Variants in JAM2 observed in about 807,000 individuals in gnomAD.
JAM2 encodes the protein junctional adhesion molecule 2.
JAM2 carries 17 observed loss-of-function variants against 42.0 expected under a neutral mutation model. The observed-to-expected ratio is 0.40, with a 90% CI of 0.28 to 0.61. The LOEUF (loss-of-function observed/expected upper bound fraction) is 0.61, where lower values mean the gene tolerates loss of function less well. JAM2 is among the 20% of genes least tolerant of loss of function. The pLI is 0.37. For synonymous variants in JAM2, 118 were observed against 128.6 expected (o/e 0.92, Z 0.56); for missense variants, 319 against 358.3 (o/e 0.89, Z 0.89).
chr21:25,672,013 T>C (rs536539812), intron 1 of JAM2, among the ~76,000 whole-genome samples: 2 of 152,286 alleles, frequency 1.3e-5, no homozygotes, highest in South Asian at 4.1e-4. Context: ...TTTGAAACAA[T>C]ACCAAACATC....
In JAM2 at chr21:25,717,541, A is replaced by T; in HGVS notation, c.*2869A>T. ...TTTCCACAGGTGGCTTTGTTCGATTAAAGTCTACACTAATAAAAATAGCTG... is the reference window on the plus strand; with the variant it reads ...TTTCCACAGGTGGCTTTGTTCGATTTAAGTCTACACTAATAAAAATAGCTG... On this transcript the variant is annotated 3_prime_UTR_variant, in exon 10 of 10. Coordinates refer to ENST00000480456, the MANE Select transcript of JAM2 (RefSeq NM_021219.4). The T allele has an allele frequency of 7.8e-7, 1 of 1,273,896 alleles. No individual in the cohort carries two copies. Among genetic ancestry groups the T allele is most frequent in the Non-Finnish European group, 1.0e-6 (1 of 975,524 alleles). The allele number at this position is 1,273,896 out of a possible 1,614,324, so 78.9% of individuals were successfully genotyped here. A position where few individuals can be genotyped will look rare whatever the true frequency, so the allele number is the denominator to read the frequency against.
intron 1 of JAM2, among the ~76,000 whole-genome samples, chr21:25,651,073 A>C (rs1027144404): frequency 6.7e-6 from 1 of 150,278 alleles, no homozygotes; most frequent in Non-Finnish European, 1.5e-5. Flanking sequence ...AAAAAAAAAA[A>C]AAAAAAAAAA....
In JAM2 at chr21:25,639,812, C is replaced by T. The variant is rs1000465530; in HGVS notation, c.-10C>T. ...ACCTCCTCAGAGCAGCCGGCTGCCGCCCCGGGAAGATGGCGAGGAGGAGCC... is the reference window on the plus strand; with the variant it reads ...ACCTCCTCAGAGCAGCCGGCTGCCGTCCCGGGAAGATGGCGAGGAGGAGCC... On this transcript the variant is annotated 5_prime_UTR_variant, in exon 1 of 10. Coordinates refer to ENST00000480456, the MANE Select transcript of JAM2 (RefSeq NM_021219.4). 1.3e-5 allele frequency: 20 copies of T among 1,575,940 alleles called. No individual in the cohort carries two copies. Among genetic ancestry groups the T allele is most frequent in the Non-Finnish European group, 1.5e-5 (18 of 1,164,134 alleles).
intron 2 of JAM2, among the ~76,000 whole-genome samples, chr21:25,687,636 A>C (rs2033779255): frequency 6.6e-6 from 1 of 152,202 alleles, no homozygotes; most frequent in African/African-American, 2.4e-5. Flanking sequence ...AGGTGACTTA[A>C]AACAATAGAA....
At chr21:25,680,763 A>G (rs1330644389) in intron 1 of JAM2, among the ~76,000 whole-genome samples, 7 of 148,702 alleles carry the variant, frequency 4.7e-5, no homozygotes, top group African/African-American at 1.8e-4. Context: ...TCAGAAAAGC[A>G]GTTTCTGGAT....
At chr21:25,696,686 C>G (rs1359725808) in intron 4 of JAM2, among the ~76,000 whole-genome samples, 2 of 152,128 alleles carry the variant, frequency 1.3e-5, no homozygotes, top group Non-Finnish European at 2.9e-5. Context: ...CGAGGAAAAT[C>G]TGTTTCCAGG....
At chr21:25,650,649 CAT>C (rs1266432625) in intron 1 of JAM2, among the ~76,000 whole-genome samples, 3 of 152,154 alleles carry the variant, frequency 2.0e-5, no homozygotes, top group East Asian at 1.9e-4. Context: ...AATCATAAAA[CAT>C]ATAATACATA....
At chr21:25,657,822 T>C (rs565043088) in intron 1 of JAM2, among the ~76,000 whole-genome samples, 7 of 152,352 alleles carry the variant, frequency 4.6e-5, no homozygotes, top group Non-Finnish European at 1.0e-4. Flanking sequence ...TTATGTTATA[T>C]GTAGCTAAGA....
intron 1 of JAM2, among the ~76,000 whole-genome samples, chr21:25,640,380 G>A (rs2032398815): frequency 6.6e-6 from 1 of 152,204 alleles, no homozygotes; most frequent in Non-Finnish European, 1.5e-5. Flanking sequence ...GCACTTGTGG[G>A]GCGGAGGTGG....
At chr21:25,675,021 A>T (rs371603283) in intron 1 of JAM2, among the ~76,000 whole-genome samples, 2 of 152,148 alleles carry the variant, frequency 1.3e-5, no homozygotes, top group African/African-American at 4.8e-5. Flanking sequence ...TATAAAGACA[A>T]GAGGTTGAAC....
At chr21:25,712,163 T>G (rs2034396480) in intron 8 of JAM2, 177 bp from the exon 9 acceptor site, 2 of 638,854 alleles carry the variant, frequency 3.1e-6, no homozygotes, top group Non-Finnish European at 5.7e-6. Context: ...ACTTTCTCTG[T>G]GAATATTGTC....
intron 1 of JAM2, chr21:25,644,060 C>T (rs546740903): frequency 6.6e-6 from 1 of 152,206 alleles, no homozygotes; most frequent in African/African-American, 2.4e-5. Flanking sequence ...CAGTATACCC[C>T]TCTTGCTAGA....
chr21:25,665,697 C>T (rs147428136), intron 1 of JAM2, among the ~76,000 whole-genome samples: 4 of 152,156 alleles, frequency 2.6e-5, no homozygotes, highest in Admixed American at 2.0e-4. Flanking sequence ...TTCAATTGAC[C>T]GGATGAGACC....
chr21:25,695,604 GC>G (rs907103821), intron 4 of JAM2, among the ~76,000 whole-genome samples: 14 of 149,230 alleles, frequency 9.4e-5, no homozygotes, highest in African/African-American at 3.5e-4. Context: ...GGGCAGAGGC[GC>G]CCCCCCACCT....
intron 1 of JAM2, among the ~76,000 whole-genome samples, chr21:25,682,042 C>T (rs899646710): frequency 4.6e-5 from 7 of 152,176 alleles, no homozygotes; most frequent in Middle Eastern, 3.2e-3. Context: ...CAGTTTGATC[C>T]GACCTCATTT....
At chr21:25,713,470 C>T (rs1321037523) in intron 9 of JAM2, among the ~76,000 whole-genome samples, 2 of 139,044 alleles carry the variant, frequency 1.4e-5, no homozygotes, top group East Asian at 2.2e-4. Flanking sequence ...AGGCCTAAGT[C>T]GTTTCTTGAG....
intron 1 of JAM2, among the ~76,000 whole-genome samples, chr21:25,652,683 A>G (rs750017755): frequency 2.0e-5 from 3 of 152,210 alleles, no homozygotes; most frequent in African/African-American, 4.8e-5. Flanking sequence ...AGATATATGT[A>G]TAAAGTTTTT....
intron 8 of JAM2, chr21:25,709,670 A>G: frequency 2.6e-6 from 1 of 378,336 alleles, no homozygotes; most frequent in African/African-American, 2.0e-5. Flanking sequence ...AAGAGGTTTA[A>G]TTGGCTCACG....
intron 1 of JAM2, among the ~76,000 whole-genome samples, chr21:25,654,925 G>A (rs1368033288): frequency 6.6e-6 from 1 of 152,120 alleles, no homozygotes; most frequent in East Asian, 1.9e-4. Context: ...GAAAGAGCAG[G>A]TCGGTGCTAG....
Sources: gnomAD v4.1 joint callset for allele counts (sites outside exome capture counted in the v4.1 genomes callset) on GRCh38, gnomAD v4.1.1 for gene constraint, MANE v1.5 for transcripts, NCBI Gene and HGNC (gene_info 2026-07-23, HGNC 2026-07-21) for gene names.